GET1: variants seen among roughly 807,000 people sequenced by gnomAD.
GET1 encodes guided entry of tail-anchored proteins factor 1.
Under a neutral mutation model 22.6 loss-of-function variants are expected in GET1, and 20 were observed. The observed-to-expected ratio is 0.89, with a 90% CI of 0.62 to 1.29. The LOEUF is 1.29. Ranked by LOEUF, GET1 falls within the 50% of genes most tolerant of loss-of-function variation. The pLI is 0.00. For synonymous variants in GET1, 92 were observed against 83.8 expected (o/e 1.10, Z -0.53); for missense variants, 209 against 219.9 (o/e 0.95, Z 0.31).
At chr21:39,383,255 A>ATT (rs945237779) in intron 1 of GET1, among the ~76,000 whole-genome samples, 1 of 137,510 alleles carries the variant, frequency 7.3e-6, no homozygotes, top group East Asian at 2.1e-4. Flanking sequence ...CGCCCAGCCT[A>ATT]TTTTTTTTTT....
Position 39,391,896 on chromosome 21 carries a change from G to A in GET1, c.336+60G>A, listed in dbSNP as rs554445811. ...GTTGGTGACCCCGGCCTCCAGAGCC[G>A]TGTCTGCAGATCCAGGGCTGGGAGT... is the stretch of plus-strand genomic sequence containing the variant. On this transcript the variant is annotated intron_variant, in intron 3 of 4. Coordinates refer to ENST00000649170, the MANE Select transcript of GET1 (RefSeq NM_004627.6). 10 of 1,546,814 alleles carry A rather than the reference G, an allele frequency of 6.5e-6. 1 individual carries two copies. Among genetic ancestry groups the A allele is most frequent in the Admixed American group, 5.0e-5 (3 of 59,838 alleles).
In GET1 at chr21:39,380,347, C is replaced by G. The variant is rs778717181; in HGVS notation, c.-38C>G. The G allele has an allele frequency of 1.3e-6, 2 of 1,566,650 alleles. No individual in the cohort carries two copies. Among genetic ancestry groups the G allele is most frequent in the African/African-American group, 2.7e-5 (2 of 73,796 alleles). On this transcript the variant is annotated 5_prime_UTR_variant, in exon 1 of 5. Coordinates refer to ENST00000649170, the MANE Select transcript of GET1 (RefSeq NM_004627.6). ...CGCTGTTGTTGTGGTCCCCATGGAG[C>G]TGCCGTAGCGGACCCAGCACAGCCA...
chr21:39,414,940 C>G (rs1388818908), intron 1 of GET1, among the ~76,000 whole-genome samples: 3 of 152,106 alleles, frequency 2.0e-5, no homozygotes, highest in Non-Finnish European at 4.4e-5. Context: ...AGACAAGAGT[C>G]TCTCTCTGTT....
At chr21:39,383,767 GTCTC>G (rs1273789500) in intron 1 of GET1, among the ~76,000 whole-genome samples, 3 of 150,604 alleles carry the variant, frequency 2.0e-5, no homozygotes, top group African/African-American at 7.3e-5. Context: ...TTGAGAGGGA[GTCTC>G]TCTCTGTCAC....
chr21:39,398,613 T>G (rs1020563977), downstream of GET1, among the ~76,000 whole-genome samples: 6 of 83,350 alleles, frequency 7.2e-5, no homozygotes, highest in Non-Finnish European at 1.5e-4. Context: ...ATTATACAGT[T>G]TTTTTTTTTT....
At chr21:39,402,278 AT>A (rs2038859384), downstream of GET1, among the ~76,000 whole-genome samples, 1 of 151,972 alleles carries the variant, frequency 6.6e-6, no homozygotes, top group South Asian at 2.1e-4. Flanking sequence ...TAATACTTGT[AT>A]TTTTAGTAAG....
chr21:39,380,578 G>A, intron 1 of GET1, 92 bp downstream of exon 1: 1 of 1,532,202 alleles, frequency 6.5e-7, no homozygotes, highest in African/African-American at 1.4e-5. Context: ...TCAACTGGGC[G>A]ACTGAAGGCC....
At position 39,389,257 on chromosome 21, in the gene GET1, A is replaced by G. The variant is rs542173449; in HGVS notation, c.103-1441A>G. Among the ~76,000 whole-genome samples, 3 of 151,694 alleles carry G rather than the reference A, an allele frequency of 2.0e-5. No homozygotes were observed. The East Asian group carries it at 5.8e-4, about 29-fold the overall frequency. On this transcript the variant is annotated intron_variant, in intron 1 of 4. Coordinates refer to ENST00000649170, the MANE Select transcript of GET1 (RefSeq NM_004627.6). ...AAAGTGCTGGGATTATTGGCATGAG[A>G]CACCGAACCTGGCCTTTTTTCTTTT... is the stretch of plus-strand genomic sequence containing the variant.
At position 39,423,029 on chromosome 21, in the gene GET1, G is replaced by C. The variant is rs777259976; in HGVS notation, c.*24-5203G>C. Reference sequence around the variant, plus strand: ...TTTGTTGTGATAATAGATAATTTATGAGTGAGTTCTTCCCTTTCTGCAAGG... The same window carrying C: ...TTTGTTGTGATAATAGATAATTTATCAGTGAGTTCTTCCCTTTCTGCAAGG... On this transcript the variant is annotated intron_variant, in intron 1 of 1. Transcript: ENST00000478273. The C allele has an allele frequency of 3.7e-5, 59 of 1,614,034 alleles. No individual in the cohort carries two copies. In the South Asian group the frequency reaches 5.6e-4, roughly 15 times the overall value.
At chr21:39,383,775 C>T (rs368858694) in intron 1 of GET1, among the ~76,000 whole-genome samples, 2 of 151,148 alleles carry the variant, frequency 1.3e-5, no homozygotes, top group Non-Finnish European at 3.0e-5. Flanking sequence ...GAGTCTCTCT[C>T]TGTCACCCAG....
chr21:39,390,544 T>C (rs138666053), intron 1 of GET1, among the ~76,000 whole-genome samples, 154 bp from the exon 2 acceptor site: 2 of 152,302 alleles, frequency 1.3e-5, no homozygotes, highest in African/African-American at 4.8e-5. Context: ...CCTGGGAACG[T>C]TCACGGCCGC....
At chr21:39,409,869 C>T (rs1421603373), downstream of GET1, 9 of 640,968 alleles carry the variant, frequency 1.4e-5, no homozygotes, top group Non-Finnish European at 2.4e-5. This position sits in a 1 kb window ranked among gnomAD's most constrained non-coding sequence, Gnocchi z 4.2. Flanking sequence ...GCTGGGATTA[C>T]AGGTGCGAGC....
chr21:39,380,347 C>T lies in GET1; in HGVS notation c.-38C>T, dbSNP rs778717181. 1.0e-5 allele frequency: 16 copies of T among 1,566,650 alleles called. 1 individual carries two copies. The South Asian group carries it at 1.7e-4, about 17-fold the overall frequency. On this transcript the variant is annotated 5_prime_UTR_variant, in exon 1 of 5. Coordinates refer to ENST00000649170, the MANE Select transcript of GET1 (RefSeq NM_004627.6). ...CGCTGTTGTTGTGGTCCCCATGGAG[C>T]TGCCGTAGCGGACCCAGCACAGCCA...
At chr21:39,426,895 G>A (rs2074805945) in intron 1 of GET1, among the ~76,000 whole-genome samples, 1 of 152,194 alleles carries the variant, frequency 6.6e-6, no homozygotes, top group Non-Finnish European at 1.5e-5. Context: ...TTAACCTTTT[G>A]AGACTCTGAT....
intron 2 of GET1, chr21:39,391,292 C>G (rs1034292698): frequency 9.0e-6 from 2 of 221,700 alleles, no homozygotes; most frequent in Non-Finnish European, 1.8e-5. Flanking sequence ...TGATGAAGAG[C>G]GCTTTCTCAG....
At chr21:39,398,616 T>G (rs922211732), downstream of GET1, among the ~76,000 whole-genome samples, 3 of 149,668 alleles carry the variant, frequency 2.0e-5, no homozygotes, top group African/African-American at 5.0e-5. Flanking sequence ...ATACAGTTTT[T>G]TTTTTTTTTT....
At chr21:39,415,074 A>AAATTTTTTTG (rs1482957250) in intron 1 of GET1, among the ~76,000 whole-genome samples, 1 of 151,962 alleles carries the variant, frequency 6.6e-6, no homozygotes, top group Non-Finnish European at 1.5e-5. Context: ...GATAATTTCT[A>AAATTTTTTTG]AATTTTTTTG....
downstream of GET1, chr21:39,410,863 C>A (rs888078299): frequency 2.1e-6 from 1 of 471,078 alleles, no homozygotes; most frequent in Admixed American, 2.3e-5. Context: ...CAGAAGCAAA[C>A]AAAGGCAGGC....
At chr21:39,391,860 G>T in intron 3 of GET1, 24 bp downstream of exon 3, 2 of 1,613,656 alleles carry the variant, frequency 1.2e-6, no homozygotes, top group Non-Finnish European at 1.7e-6. Flanking sequence ...AGCGTCAGCC[G>T]GGTCATTGGA....
Sources: allele counts gnomAD v4.1 joint callset (sites outside exome capture counted in the v4.1 genomes callset), GRCh38; gene constraint gnomAD v4.1.1; non-coding constraint Gnocchi (gnomAD v3.1); transcripts MANE v1.5; gene names NCBI Gene and HGNC (gene_info 2026-07-23, HGNC 2026-07-21).